The following ADAM29 variants were observed in gnomAD, a reference collection of about 807,000 sequenced individuals.
ADAM29 encodes ADAM metallopeptidase domain 29.
For missense variants in ADAM29, 969 were observed against 1,001.8 expected (o/e 0.97, Z 0.44); for synonymous variants, 367 against 342.3 (o/e 1.07, Z -0.80).
At chr4:174,951,808 T>C (rs773760114) in intron 4 of ADAM29, among the ~76,000 whole-genome samples, 1 of 152,166 alleles carries the variant, frequency 6.6e-6, no homozygotes, top group Non-Finnish European at 1.5e-5. Context: ...TCCCTGCTTA[T>C]AGAATCCCAG....
chr4:174,968,485 A>G (rs1016324486), intron 4 of ADAM29, among the ~76,000 whole-genome samples: 4 of 151,968 alleles, frequency 2.6e-5, no homozygotes, highest in Non-Finnish European at 5.9e-5. Flanking sequence ...GTCTCTCTCC[A>G]CTTTTTGTAC....
chr4:174,947,023 G>A (rs1744888365), intron 4 of ADAM29, among the ~76,000 whole-genome samples: 1 of 152,002 alleles, frequency 6.6e-6, no homozygotes, highest in Non-Finnish European at 1.5e-5. Context: ...TTTCTAGCTT[G>A]TGTTCATAGA....
chr4:174,971,974 T>C (rs1353645882), intron 4 of ADAM29, among the ~76,000 whole-genome samples: 1 of 152,222 alleles, frequency 6.6e-6, no homozygotes, highest in Non-Finnish European at 1.5e-5. Flanking sequence ...CCTAGTCCAT[T>C]GCTGAAGCTC....
chr4:174,925,543 G>A (rs556249213), intron 2 of ADAM29, among the ~76,000 whole-genome samples: 1 of 152,310 alleles, frequency 6.6e-6, no homozygotes, highest in South Asian at 2.1e-4. Context: ...ATCTTACAAT[G>A]TGATAGAGGA....
intron 4 of ADAM29, among the ~76,000 whole-genome samples, chr4:174,963,841 C>T (rs541289567): frequency 6.6e-6 from 1 of 151,142 alleles, no homozygotes; most frequent in Admixed American, 6.6e-5. Context: ...ACCACTGTGC[C>T]CAGCTAAGTT....
intron 4 of ADAM29, among the ~76,000 whole-genome samples, chr4:174,969,368 A>C (rs1424312664): frequency 1.3e-5 from 2 of 151,848 alleles, no homozygotes; most frequent in African/African-American, 4.8e-5. Flanking sequence ...TCAGAATCCT[A>C]ACTACTAAAA....
At chr4:174,935,666 A>T (rs936582294) in intron 3 of ADAM29, among the ~76,000 whole-genome samples, 3 of 152,090 alleles carry the variant, frequency 2.0e-5, no homozygotes, top group African/African-American at 7.2e-5. Flanking sequence ...GTTTTGATTC[A>T]ATAGATTCCC....
chr4:174,941,269 G>A (rs1450765772), intron 4 of ADAM29, among the ~76,000 whole-genome samples: 3 of 152,190 alleles, frequency 2.0e-5, no homozygotes, highest in South Asian at 4.1e-4. Flanking sequence ...TGGAAATCCT[G>A]ATGCAATCAC....
At chr4:174,953,559 G>A (rs187916783) in intron 4 of ADAM29, among the ~76,000 whole-genome samples, 2 of 152,210 alleles carry the variant, frequency 1.3e-5, no homozygotes, top group African/African-American at 4.8e-5. Flanking sequence ...CAGATATACA[G>A]CATTCAAAGG....
chr4:174,958,265 T>C (rs1227341088), intron 4 of ADAM29, among the ~76,000 whole-genome samples: 1 of 151,756 alleles, frequency 6.6e-6, no homozygotes, highest in African/African-American at 2.4e-5. Flanking sequence ...ATTATCCAAC[T>C]ATAATAGCAA....
In ADAM29 at chr4:174,977,587, T is replaced by C. The variant is rs753230754; in HGVS notation, c.2062T>C (p.Phe688Leu). The C allele has an allele frequency of 7.4e-6, 12 of 1,613,492 alleles. No homozygotes were observed. The East Asian group carries it at 8.9e-5, about 12-fold the overall frequency. Residue 688 changes from phenylalanine to leucine, a missense_variant, in exon 5 of 5, where the codon TTT becomes CTT. Physicochemically the swap from Phe to Leu is conservative, Grantham distance 22. Transcript: ENST00000359240. ...GTGTATATTGTTGCTTATTGTTTTG[T>C]TTATTTTATTATGTTGTCTTTATCG... Reference protein sequence around the residue: ...YLCILLLIVLFILLCCLYRLC... With the variant: ...YLCILLLIVLLILLCCLYRLC...
intron 4 of ADAM29, among the ~76,000 whole-genome samples, chr4:174,965,925 A>G (rs1036484487): frequency 6.6e-6 from 1 of 152,196 alleles, no homozygotes; most frequent in African/African-American, 2.4e-5. Flanking sequence ...CCCTGGTACA[A>G]CAAATTCATG....
intron 2 of ADAM29, among the ~76,000 whole-genome samples, chr4:174,926,751 A>G (rs1743543193): frequency 6.6e-6 from 1 of 151,854 alleles, no homozygotes; most frequent in African/African-American, 2.4e-5. Flanking sequence ...AAACATAACA[A>G]CAAAACATAA....
chr4:174,964,940 G>T (rs1746064024), intron 4 of ADAM29, among the ~76,000 whole-genome samples: 1 of 152,020 alleles, frequency 6.6e-6, no homozygotes, highest in African/African-American at 2.4e-5. Context: ...GAAAATCAAT[G>T]AACAGGAGAT....
At chr4:174,921,852 T>C (rs1385331165) in intron 2 of ADAM29, among the ~76,000 whole-genome samples, 1 of 152,188 alleles carries the variant, frequency 6.6e-6, no homozygotes, top group Non-Finnish European at 1.5e-5. Context: ...CAAAATTTCT[T>C]CCAAGCTATA....
At chr4:174,972,254 C>G (rs1746520694) in intron 4 of ADAM29, among the ~76,000 whole-genome samples, 1 of 152,168 alleles carries the variant, frequency 6.6e-6, no homozygotes, top group Non-Finnish European at 1.5e-5. Context: ...CCTTAGTTAT[C>G]TGTGTTGATA....
chr4:174,960,420 C>A (rs1745743985), intron 4 of ADAM29, among the ~76,000 whole-genome samples: 1 of 151,976 alleles, frequency 6.6e-6, no homozygotes, highest in East Asian at 1.9e-4. Flanking sequence ...AAAGTATATT[C>A]ACTGTATAAT....
At chr4:174,944,786 G>C (rs1744747578) in intron 4 of ADAM29, among the ~76,000 whole-genome samples, 1 of 152,092 alleles carries the variant, frequency 6.6e-6, no homozygotes. Context: ...GCAGTATTTG[G>C]TTTTCTGTTT....
chr4:174,967,218 AT>A (rs932439427), intron 4 of ADAM29, among the ~76,000 whole-genome samples: 1 of 152,136 alleles, frequency 6.6e-6, no homozygotes, highest in Non-Finnish European at 1.5e-5. Flanking sequence ...CTGTTAATTT[AT>A]TTTTCTTATT....
Sources: allele counts gnomAD v4.1 joint callset (sites outside exome capture counted in the v4.1 genomes callset), GRCh38; gene constraint gnomAD v4.1.1; transcripts MANE v1.5; gene names NCBI Gene and HGNC (gene_info 2026-07-23, HGNC 2026-07-21).